The following PEBP4 variants were observed in gnomAD, a reference collection of about 807,000 sequenced individuals.
The protein encoded by PEBP4 is phosphatidylethanolamine-binding protein 4.
A neutral mutation model predicts 23.9 loss-of-function variants in PEBP4; 22 were observed. That is an observed-to-expected ratio of 0.92 (90% CI 0.66 to 1.31). The LOEUF (loss-of-function observed/expected upper bound fraction) is 1.31. Ranked by LOEUF, PEBP4 falls within the 40% of genes most tolerant of loss-of-function variation. PEBP4 has a pLI of 0.00. For missense variants in PEBP4, 324 were observed against 281.7 expected (o/e 1.15, Z -1.07); for synonymous variants, 112 against 99.3 (o/e 1.13, Z -0.76).
chr8:22,795,303 G>T (rs530272457), intron 4 of PEBP4, among the ~76,000 whole-genome samples: 1 of 149,440 alleles, frequency 6.7e-6, no homozygotes, highest in Admixed American at 6.7e-5. Flanking sequence ...AGCCTCCCAA[G>T]TAGCTGGGAT....
intron 6 of PEBP4, 109 bp downstream of exon 6, chr8:22,724,734 A>G (rs1349463609): frequency 1.3e-6 from 1 of 793,694 alleles, no homozygotes; most frequent in African/African-American, 1.7e-5. Context: ...CCCAGTCTCC[A>G]AGGCTCATGA....
intron 5 of PEBP4, among the ~76,000 whole-genome samples, chr8:22,726,712 T>G (rs1804628456): frequency 6.6e-6 from 1 of 152,260 alleles, no homozygotes; most frequent in Admixed American, 6.5e-5. Flanking sequence ...AATCCAGGCC[T>G]GCTTGGTGCC....
At chr8:22,893,971 A>C (rs1808545712) in intron 3 of PEBP4, among the ~76,000 whole-genome samples, 1 of 152,194 alleles carries the variant, frequency 6.6e-6, no homozygotes, top group African/African-American at 2.4e-5. Context: ...AAGAAATGCC[A>C]AGCACAAGAC....
intron 4 of PEBP4, among the ~76,000 whole-genome samples, chr8:22,806,415 G>A (rs187081901): frequency 3.9e-5 from 6 of 152,144 alleles, no homozygotes; most frequent in East Asian, 1.9e-4. Flanking sequence ...TCAGGAGTTC[G>A]AGATCAGCCT....
chr8:22,803,407 C>A (rs549006567), intron 4 of PEBP4, among the ~76,000 whole-genome samples: 1 of 152,234 alleles, frequency 6.6e-6, no homozygotes, highest in South Asian at 2.1e-4. Flanking sequence ...GTGGCTCACA[C>A]CTGTAATCCC....
At chr8:22,834,693 A>G (rs1478221624) in intron 3 of PEBP4, among the ~76,000 whole-genome samples, 1 of 152,184 alleles carries the variant, frequency 6.6e-6, no homozygotes, top group African/African-American at 2.4e-5. Context: ...CTTCTGGAAT[A>G]AAAGGCAAAG....
chr8:22,892,984 A>AGC (rs1808523533), intron 3 of PEBP4, among the ~76,000 whole-genome samples: 1 of 152,210 alleles, frequency 6.6e-6, no homozygotes, highest in Non-Finnish European at 1.5e-5. Context: ...AGGCAGAGGC[A>AGC]GCTGTGCGGG....
At chr8:22,753,249 C>G (rs1416829959) in intron 4 of PEBP4, among the ~76,000 whole-genome samples, 1 of 152,190 alleles carries the variant, frequency 6.6e-6, no homozygotes, top group Non-Finnish European at 1.5e-5. Flanking sequence ...TCCCTATATT[C>G]TTAGAGAATA....
At chr8:22,810,711 T>A (rs2008532) in intron 4 of PEBP4, among the ~76,000 whole-genome samples, 48,702 of 131,984 alleles carry the variant, frequency 0.37, 8,897 homozygotes, top group East Asian at 0.56. Flanking sequence ...TGTGTGTGTG[T>A]GTGAGAGAGA....
intron 4 of PEBP4, among the ~76,000 whole-genome samples, chr8:22,816,609 TC>T (rs1311832247): frequency 1.3e-5 from 2 of 152,204 alleles, no homozygotes; most frequent in Non-Finnish European, 2.9e-5. Context: ...GCAGCACATT[TC>T]CCATATTACA....
chr8:22,774,918 C>T (rs1805786221), intron 4 of PEBP4, among the ~76,000 whole-genome samples: 2 of 152,160 alleles, frequency 1.3e-5, no homozygotes, highest in South Asian at 2.1e-4. Flanking sequence ...CCTGTCCTCC[C>T]GTGCCCTCCA....
intron 3 of PEBP4, among the ~76,000 whole-genome samples, chr8:22,834,479 C>T (rs1807158338): frequency 6.6e-6 from 1 of 152,204 alleles, no homozygotes; most frequent in Non-Finnish European, 1.5e-5. Context: ...CACCTCCACC[C>T]AGGAGCTGGG....
At chr8:22,867,391 C>T (rs1403319263) in intron 3 of PEBP4, among the ~76,000 whole-genome samples, 1 of 152,114 alleles carries the variant, frequency 6.6e-6, no homozygotes, top group Non-Finnish European at 1.5e-5. Context: ...TCCGAGCCTG[C>T]GAAGATGTCG....
At chr8:22,774,766 G>A (rs896271713) in intron 4 of PEBP4, among the ~76,000 whole-genome samples, 13 of 152,146 alleles carry the variant, frequency 8.5e-5, no homozygotes, top group African/African-American at 2.2e-4. Flanking sequence ...GGCCATCCCC[G>A]AGGCTGTCCT....
Position 22,724,967 on chromosome 8 carries a change from A to G in PEBP4, c.404-11T>C. The G allele has an allele frequency of 6.3e-7, 1 of 1,598,334 alleles. No homozygotes were observed. Among genetic ancestry groups the G allele is most frequent in the Non-Finnish European group, 8.6e-7 (1 of 1,166,094 alleles). ...AGGGAGCCTGGTAGGCTATAGGTAG[A>G]AGCAGGAGAGAGGTGAGCATCAACA... On this transcript the variant is annotated splice_polypyrimidine_tract_variant and intron_variant, in intron 5 of 6. Transcript: ENST00000256404.
At chr8:22,769,630 C>A (rs1805679062) in intron 4 of PEBP4, among the ~76,000 whole-genome samples, 1 of 152,178 alleles carries the variant, frequency 6.6e-6, no homozygotes, top group Non-Finnish European at 1.5e-5. Flanking sequence ...CCGAATGCCT[C>A]TTCTCTGTCA....
At chr8:22,731,918 G>A (rs1327920091) in intron 4 of PEBP4, among the ~76,000 whole-genome samples, 2 of 151,582 alleles carry the variant, frequency 1.3e-5, no homozygotes, top group South Asian at 2.1e-4. Flanking sequence ...CTCGTGATCC[G>A]CCCGCCTCGG....
chr8:22,839,234 G>C (rs2128765334), intron 3 of PEBP4, among the ~76,000 whole-genome samples: 1 of 152,306 alleles, frequency 6.6e-6, no homozygotes, highest in South Asian at 2.1e-4. Flanking sequence ...TTAGGACGTG[G>C]TGTTGGTCAT....
At chr8:22,894,596 A>C (rs1173212208) in intron 3 of PEBP4, among the ~76,000 whole-genome samples, 1 of 152,032 alleles carries the variant, frequency 6.6e-6, no homozygotes, top group Non-Finnish European at 1.5e-5. Flanking sequence ...AATAAAATAA[A>C]ATAGTAATAA....
Sources: allele counts gnomAD v4.1 joint callset (sites outside exome capture counted in the v4.1 genomes callset), GRCh38; gene constraint gnomAD v4.1.1; transcripts MANE v1.5; gene names NCBI Gene and HGNC (gene_info 2026-07-23, HGNC 2026-07-21).